The following ITSN2 variants were observed in gnomAD, a reference collection of about 807,000 sequenced individuals.
ITSN2 encodes intersectin 2.
In ITSN2, 156 loss-of-function variants were observed where a neutral mutation model predicts 243.7. The ratio of observed to expected loss-of-function variants is 0.64; its 90% confidence interval spans 0.56 to 0.73. The LOEUF is 0.73. Among genes scored for constraint, ITSN2 ranks in the 30% least tolerant of loss-of-function variants. The pLI is 0.00. For synonymous variants in ITSN2, 703 were observed against 699.9 expected, an observed-to-expected ratio of 1.00 and a Z score of -0.07; for missense variants, 1,801 against 1,996.1, an observed-to-expected ratio of 0.90 and a Z score of 1.86.
intron 8 of ITSN2, 36 bp downstream of exon 8, chr2:24,308,581 C>A: frequency 7.7e-7 from 1 of 1,301,068 alleles, no homozygotes; most frequent in Non-Finnish European, 1.0e-6. Flanking sequence ...CATAAAAGAC[C>A]CTTTTTCATG....
At chr2:24,302,470 T>C (rs1681906441) in intron 9 of ITSN2, among the ~76,000 whole-genome samples, 1 of 152,170 alleles carries the variant, frequency 6.6e-6, no homozygotes. Flanking sequence ...AGTGCTGAGA[T>C]TACAGGCGTG....
intron 29 of ITSN2, among the ~76,000 whole-genome samples, chr2:24,234,404 T>C (rs1010761800): frequency 6.7e-6 from 1 of 149,734 alleles, no homozygotes; most frequent in Non-Finnish European, 1.5e-5. Flanking sequence ...TCCCAGAAAA[T>C]AGTGTAAGCG....
chr2:24,296,519 G>A (rs948019620), intron 13 of ITSN2, among the ~76,000 whole-genome samples: 2 of 152,078 alleles, frequency 1.3e-5, no homozygotes, highest in African/African-American at 4.8e-5. Context: ...AATCTAACTG[G>A]TGTCCTTATT....
intron 23 of ITSN2, among the ~76,000 whole-genome samples, chr2:24,257,234 C>T (rs1417062161): frequency 2.0e-5 from 3 of 151,888 alleles, no homozygotes; most frequent in Non-Finnish European, 4.4e-5. Flanking sequence ...GTGGGAGGAT[C>T]GCTTAAGGCT....
At chr2:24,296,812 A>G (rs770044611) in intron 13 of ITSN2, among the ~76,000 whole-genome samples, 15 of 152,228 alleles carry the variant, frequency 9.9e-5, no homozygotes, top group Non-Finnish European at 1.9e-4. Context: ...CTGATGATGA[A>G]AAGTTTTACT....
rs1685755200 is a variant in ITSN2, at chr2:24,331,300, T to C, written c.-33-3185A>G. On this transcript the variant is annotated intron_variant, in intron 1 of 39. Coordinates refer to ENST00000355123, the MANE Select transcript of ITSN2 (RefSeq NM_006277.3). ...GTTAGCCAGGCTGGTCTTGAACTCC[T>C]GACCTCAGGTGATCCACCTGCCTCA... Among the ~76,000 whole-genome samples the C allele has an allele frequency of 1.3e-5, 2 of 152,028 alleles. 1 individual carries two copies. The highest frequency in any genetic ancestry group is 4.2e-4 in the South Asian group (2 of 4,808).
intron 16 of ITSN2, 97 bp from the exon 17 acceptor site, chr2:24,284,940 A>C (rs1574147253): frequency 1.7e-6 from 1 of 595,940 alleles, no homozygotes; most frequent in South Asian, 1.9e-5. Flanking sequence ...CTCTGTCGCC[A>C]GGCTGGACTG....
Position 24,218,006 on chromosome 2 carries a change from T to C in ITSN2, c.3707A>G (p.Gln1236Arg), listed in dbSNP as rs999469934. Residue 1236 changes from glutamine (Q) to arginine (R), a missense_variant, in exon 31 of 40, where the codon CAG becomes CGG. By Grantham distance (43) the Gln-to-Arg change is conservative (BLOSUM62 1). This residue lies in a region of ITSN2 where 928 missense variants were observed against 1,065.4 expected (regional missense o/e 0.87). Transcript: ENST00000355123. ...AAAGCCTGACTCTGCCATGCGTTTC[T>C]GAAAAACCTAAAGTCAAAACATAGA... ...ADLQLVVEVF[Q>R]KRMAESGFLT... 1 of 1,612,968 alleles carries C rather than the reference T, an allele frequency of 6.2e-7. No homozygotes were observed. Among genetic ancestry groups the C allele is most frequent in the Non-Finnish European group, 8.5e-7 (1 of 1,179,072 alleles).
intron 5 of ITSN2, among the ~76,000 whole-genome samples, chr2:24,310,939 C>A (rs1046926584): frequency 6.6e-6 from 1 of 152,132 alleles, no homozygotes; most frequent in African/African-American, 2.4e-5. Flanking sequence ...CCTCTCTCAT[C>A]ATGAATAAAA....
intron 1 of ITSN2, among the ~76,000 whole-genome samples, chr2:24,337,315 A>T (rs866463545): frequency 6.2e-5 from 2 of 32,020 alleles, no homozygotes; most frequent in Non-Finnish European, 1.1e-4. Flanking sequence ...GTATACACAA[A>T]ATATATATAT....
chr2:24,252,415 C>T lies in ITSN2; in HGVS notation c.3050G>A (p.Trp1017Ter), dbSNP rs371892239. Residue 1017 changes from tryptophan to a stop codon, truncating the protein, a stop_gained, in exon 25 of 40, where the codon TGG becomes TAG. Coordinates refer to ENST00000355123, the MANE Select transcript of ITSN2 (RefSeq NM_006277.3). LOFTEE classifies it high-confidence loss of function. The part of the protein sequence containing the change: ...EILVTQKDGE[W>*]WTGSIGDRSG... ...TCTATCTCCAATACTTCCTGTCCAC[C>T]ACTCTCCATCTTTCTGGGTCACCAA... is the stretch of plus-strand genomic sequence containing the variant. The T allele has an allele frequency of 5.0e-6, 8 of 1,612,958 alleles. No individual in the cohort carries two copies. The highest frequency in any genetic ancestry group is 4.0e-5 in the African/African-American group (3 of 74,888).
At chr2:24,359,920 GC>G (rs1688795663) in intron 1 of ITSN2, among the ~76,000 whole-genome samples, 1 of 152,132 alleles carries the variant, frequency 6.6e-6, no homozygotes, top group South Asian at 2.1e-4. Flanking sequence ...GCGTGCGGGT[GC>G]CCCCAGAGCT....
rs193050134 is a variant in ITSN2, at chr2:24,316,532, C to T, written c.32-1308G>A. Among the ~76,000 whole-genome samples the T allele has an allele frequency of 1.5e-3, 226 of 152,308 alleles. 1 individual carries two copies. The highest frequency in any genetic ancestry group is 5.1e-3 in the African/African-American group (213 of 41,582). On this transcript the variant is annotated intron_variant, in intron 2 of 39. Coordinates refer to ENST00000355123, the MANE Select transcript of ITSN2 (RefSeq NM_006277.3). ...TCCTGACCTCATGATCCACCCACCT[C>T]GGCCTCCCAAAGTGCTGGGATTACA... is the stretch of plus-strand genomic sequence containing the variant.
intron 2 of ITSN2, among the ~76,000 whole-genome samples, chr2:24,322,584 A>C (rs1684704521): frequency 2.0e-5 from 3 of 152,186 alleles, no homozygotes; most frequent in African/African-American, 7.2e-5. Context: ...ACATGAATTA[A>C]CTCTCAATGA....
rs772956987 is a variant in ITSN2, at chr2:24,310,417, T to A, written c.557-37A>T. 4 of 1,607,786 alleles carry A rather than the reference T, an allele frequency of 2.5e-6. No homozygotes were observed. The African/African-American group carries it at 5.4e-5, about 22-fold the overall frequency. On this transcript the variant is annotated intron_variant, in intron 6 of 39. Coordinates refer to ENST00000355123, the MANE Select transcript of ITSN2 (RefSeq NM_006277.3). ...AAAGAAGGAAAAGTATGAAAGAAAT[T>A]TGTATCTGTTCAAACACAAATAGTT...
chr2:24,247,444 G>C (rs894117014), intron 27 of ITSN2, among the ~76,000 whole-genome samples: 1 of 152,176 alleles, frequency 6.6e-6, no homozygotes, highest in Non-Finnish European at 1.5e-5. Flanking sequence ...ACTGCAACAT[G>C]AGTGTAATAG....
At chr2:24,306,383 G>GT (rs1309724529) in intron 8 of ITSN2, among the ~76,000 whole-genome samples, 1 of 152,070 alleles carries the variant, frequency 6.6e-6, no homozygotes, top group East Asian at 1.9e-4. Context: ...TCCCCACACA[G>GT]TAACCACATT....
intron 2 of ITSN2, among the ~76,000 whole-genome samples, chr2:24,320,585 C>T (rs1213959276): frequency 6.8e-6 from 1 of 146,790 alleles, no homozygotes; most frequent in Non-Finnish European, 1.5e-5. Context: ...GGTGGTGGCT[C>T]ACACCTGTAA....
Position 24,298,912 on chromosome 2 carries a change from A to G in ITSN2, c.1345-98T>C. ...CAATAAAAGTCAGGCAGAGTTTAGCACTTAGTGGCTTTAGTGCCTAAGGGT... is the reference window on the plus strand; with the variant it reads ...CAATAAAAGTCAGGCAGAGTTTAGCGCTTAGTGGCTTTAGTGCCTAAGGGT... On this transcript the variant is annotated intron_variant, in intron 12 of 39. Coordinates refer to ENST00000355123, the MANE Select transcript of ITSN2 (RefSeq NM_006277.3). The G allele has an allele frequency of 7.9e-6, 9 of 1,134,444 alleles. No homozygotes were observed. In the South Asian group the frequency reaches 1.3e-4, roughly 16 times the overall value. 70.3% of individuals were successfully genotyped at this position (1,134,444 alleles called of 1,614,324 possible).
Sources: allele counts gnomAD v4.1 joint callset (sites outside exome capture counted in the v4.1 genomes callset), GRCh38; gene constraint gnomAD v4.1.1; regional missense constraint gnomAD v4.1.1; transcripts MANE v1.5; gene names NCBI Gene and HGNC (gene_info 2026-07-23, HGNC 2026-07-21).